The following UBAP2L variants were observed in gnomAD, a reference collection of about 807,000 sequenced individuals.
The protein encoded by UBAP2L is ubiquitin associated protein 2 like.
A neutral mutation model predicts 130.6 loss-of-function variants in UBAP2L; 12 were observed. That is an observed-to-expected ratio of 0.09 (90% CI 0.06 to 0.15). The LOEUF is 0.15. Among genes scored for constraint, UBAP2L ranks in the 10% least tolerant of loss-of-function variants. The pLI, the probability that UBAP2L is intolerant of heterozygous loss-of-function variation, is 1.00. For missense variants in UBAP2L, 965 were observed against 1,332.5 expected (o/e 0.72, Z 4.29); for synonymous variants, 503 against 524.7 (o/e 0.96, Z 0.57).
intron 2 of UBAP2L, 94 bp from the exon 3 acceptor site, chr1:154,227,188 G>A: frequency 9.5e-7 from 1 of 1,055,910 alleles, no homozygotes. Context: ...ACAAGGAAAA[G>A]AAAATTGGGG....
At position 154,246,315 on chromosome 1, in the gene UBAP2L, T is replaced by A; in HGVS notation, c.954T>A (p.Asn318Lys). The stretch of plus-strand genomic sequence containing the variant: ...TGGCCCAGCCTCTGGTGTTCAGTAA[T>A]TCGAAGCAGACTGCCATATCACAGC... ...PSLAQPLVFS[N>K]SKQTAISQPA... is the part of the protein sequence containing the mutation. The change falls in exon 11 of 27, where the codon AAT becomes AAA. Residue 318 changes from asparagine (N) to lysine (K), a missense_variant. This residue lies in a region of UBAP2L where 99 missense variants were observed against 106.4 expected (regional missense o/e 0.93). Transcript: ENST00000428931. 1 of 1,613,764 alleles carries A rather than the reference T, an allele frequency of 6.2e-7. No individual in the cohort carries two copies. The highest frequency in any genetic ancestry group is 8.5e-7 in the Non-Finnish European group (1 of 1,179,894).
chr1:154,260,969 C>G lies in UBAP2L; in HGVS notation c.2656C>G (p.Gln886Glu). The change falls in exon 23 of 27, where the codon CAG (glutamine) becomes GAG (glutamate). Residue 886 changes from glutamine (Q) to glutamate (E), a missense_variant. Coordinates refer to ENST00000428931, the MANE Select transcript of UBAP2L (RefSeq NM_014847.4). ...AACCTTGGCCCAACCCCAACAGAACCAGACGCAGACTCACCATACCACGCA... is the reference window on the plus strand; with the variant it reads ...AACCTTGGCCCAACCCCAACAGAACGAGACGCAGACTCACCATACCACGCA... The part of the protein sequence containing the change: ...ATTLAQPQQN[Q>E]TQTHHTTQQT... The G allele has an allele frequency of 6.2e-7, 1 of 1,614,218 alleles. No homozygotes were observed. Among genetic ancestry groups the G allele is most frequent in the Non-Finnish European group, 8.5e-7 (1 of 1,180,054 alleles).
chr1:154,259,775 G>C, intron 21 of UBAP2L, 173 bp from the exon 22 acceptor site: 1 of 783,418 alleles, frequency 1.3e-6, no homozygotes, highest in Non-Finnish European at 2.3e-6. Flanking sequence ...CAGGCAGGGG[G>C]GACAGTGTAT....
chr1:154,230,064 G>A (rs1332821722), intron 4 of UBAP2L, among the ~76,000 whole-genome samples: 1 of 151,732 alleles, frequency 6.6e-6, no homozygotes, highest in East Asian at 1.9e-4. Context: ...CTCCCAGGCC[G>A]GAGTACATCT....
At chr1:154,222,207 G>T (rs1416521871) in intron 1 of UBAP2L, among the ~76,000 whole-genome samples, 5 of 152,040 alleles carry the variant, frequency 3.3e-5, no homozygotes, top group Admixed American at 3.3e-4. Context: ...CCTGTTTTGG[G>T]GATACCTGAT....
intron 17 of UBAP2L, 95 bp from the exon 18 acceptor site, chr1:154,255,588 T>G: frequency 7.1e-7 from 1 of 1,400,838 alleles, no homozygotes; most frequent in Non-Finnish European, 1.0e-6. Flanking sequence ...TGGTGTCCCA[T>G]ATTATGTCTT....
rs759119651 is a variant in UBAP2L at position 154,234,719 on chromosome 1, G to A, written c.408G>A (p.Gly136=). ...RDRDYSRRRG[G]PPRRGRGASR... ...GAGACTATAGTCGGCGACGTGGTGG[G>A]CCACCAAGACGGGGGAGAGGTGCCA... Residue 136 remains glycine (G), a synonymous_variant, in exon 5 of 27, where the codon GGG becomes GGA. Transcript: ENST00000428931. 2.8e-5 allele frequency: 45 copies of A among 1,610,534 alleles called. No homozygotes were observed. Among genetic ancestry groups the A allele is most frequent in the Non-Finnish European group, 3.8e-5 (45 of 1,178,426 alleles).
In UBAP2L at chr1:154,254,788, C is replaced by T. The variant is rs533839792; in HGVS notation, c.1855-48C>T. 3.8e-6 allele frequency: 6 copies of T among 1,576,870 alleles called. No individual in the cohort carries two copies. The African/African-American group carries it at 6.9e-5, about 18-fold the overall frequency. On this transcript the variant is annotated intron_variant, in intron 15 of 26. Coordinates refer to ENST00000428931, the MANE Select transcript of UBAP2L (RefSeq NM_014847.4). The stretch of plus-strand genomic sequence containing the variant: ...CATCAGTGCTAACTTTCCTCATTCA[C>T]ATGAGTTTGTCTGTTTCTTGCTCTT...
intron 11 of UBAP2L, among the ~76,000 whole-genome samples, chr1:154,248,672 C>T (rs144074981): frequency 0.013 from 1,999 of 152,014 alleles, 40 homozygotes; most frequent in African/African-American, 0.045. Context: ...AAAAATTAGC[C>T]GGGTGTGGTG....
chr1:154,266,530 G>A lies in UBAP2L; in HGVS notation c.2932G>A (p.Val978Met). Residue 978 changes from valine (V) to methionine (M), a missense_variant, in exon 25 of 27, where the codon GTG (valine) becomes ATG (methionine). Val to Met is a conservative substitution (Grantham distance 21). Coordinates refer to ENST00000428931, the MANE Select transcript of UBAP2L (RefSeq NM_014847.4). ...TTCAGTCACCTCCAGTAACACGGGC[G>A]TGCCAGATATCTCGGGTTCTGTGTA... is the stretch of plus-strand genomic sequence containing the variant. Reference protein sequence around the residue: ...GVSVTSSNTGVPDISGSVYSK... With the variant: ...GVSVTSSNTGMPDISGSVYSK... The A allele has an allele frequency of 1.2e-6, 2 of 1,614,142 alleles. No homozygotes were observed. Among genetic ancestry groups the A allele is most frequent in the Non-Finnish European group, 1.7e-6 (2 of 1,180,032 alleles).
At chr1:154,255,403 A>C in intron 17 of UBAP2L, 77 bp downstream of exon 17, 1 of 1,551,388 alleles carries the variant, frequency 6.4e-7, no homozygotes, top group Middle Eastern at 1.8e-4. Context: ...TACTCCCTTG[A>C]CCTGGCAGAG....
At chr1:154,222,195 A>G (rs1360036787) in intron 1 of UBAP2L, among the ~76,000 whole-genome samples, 6 of 152,130 alleles carry the variant, frequency 3.9e-5, no homozygotes, top group Admixed American at 3.9e-4. Flanking sequence ...TCCGCCGCAT[A>G]TCCTGTTTTG....
At chr1:154,248,168 T>C (rs1357054651) in intron 11 of UBAP2L, among the ~76,000 whole-genome samples, 4 of 152,110 alleles carry the variant, frequency 2.6e-5, no homozygotes, top group Admixed American at 2.6e-4. Flanking sequence ...GGTTTCACCA[T>C]GTTGGTCAGG....
intron 22 of UBAP2L, among the ~76,000 whole-genome samples, 168 bp from the exon 23 acceptor site, chr1:154,260,724 G>A (rs540509066): frequency 6.6e-6 from 1 of 152,388 alleles, no homozygotes; most frequent in East Asian, 1.9e-4. Flanking sequence ...ACTGTGCTAA[G>A]TGTATGCTGA....
Position 154,238,632 on chromosome 1 carries a change from G to A in UBAP2L, c.703+1496G>A, listed in dbSNP as rs114166921. 6.9e-3 allele frequency among the ~76,000 whole-genome samples: 1,048 copies of A among 152,316 alleles called. 3 individuals carry two copies. Among genetic ancestry groups the A allele is most frequent in the Non-Finnish European group, 0.011 (750 of 68,012 alleles). ...AAAAGGGAGCAGATGTGCAAGGCTG[G>A]AATTGGAAATCTGATTTGTAGCTGA... On this transcript the variant is annotated intron_variant, in intron 8 of 26. Coordinates refer to ENST00000428931, the MANE Select transcript of UBAP2L (RefSeq NM_014847.4).
In UBAP2L at chr1:154,228,695, C is replaced by T; in HGVS notation, c.249C>T (p.Ile83=). 6.2e-7 allele frequency: 1 copy of T among 1,612,920 alleles called. No individual in the cohort carries two copies. Among genetic ancestry groups the T allele is most frequent in the Non-Finnish European group, 8.5e-7 (1 of 1,179,684 alleles). The part of the protein sequence containing the change: ...HDCNGDVNRA[I]NVLLEGNPDT... ...GCAATGGAGATGTCAACAGAGCTAT[C>T]AATGTTCTTCTGGAAGGAAACCCAG... Residue 83 remains isoleucine (I), a synonymous_variant, in exon 4 of 27, where the codon ATC becomes ATT. Coordinates refer to ENST00000428931, the MANE Select transcript of UBAP2L (RefSeq NM_014847.4).
chr1:154,255,358 G>C (rs1352741341), intron 17 of UBAP2L, 32 bp downstream of exon 17: 35 of 1,608,944 alleles, frequency 2.2e-5, no homozygotes, highest in Non-Finnish European at 2.7e-5. Flanking sequence ...GGTTGGGGTT[G>C]GTGAATAGCA....
intron 8 of UBAP2L, among the ~76,000 whole-genome samples, chr1:154,239,973 A>G (rs1672967068): frequency 6.6e-6 from 1 of 152,230 alleles, no homozygotes; most frequent in African/African-American, 2.4e-5. Flanking sequence ...TTTACAATGA[A>G]TATATTTTCC....
At position 154,249,148 on chromosome 1, in the gene UBAP2L, A is replaced by G. The variant is rs1041786026; in HGVS notation, c.1015-91A>G. On this transcript the variant is annotated intron_variant, in intron 11 of 26. Transcript: ENST00000428931. ...ACAGTATTCTTTACTTGCCTGATCT[A>G]TACTGGCTCTCGGTCTGGATAAGTG... The G allele has an allele frequency of 2.9e-5, 37 of 1,261,076 alleles. No homozygotes were observed. The South Asian group carries it at 3.0e-4, about 10-fold the overall frequency. The allele number at this position is 1,261,076 out of a possible 1,614,324, so 78.1% of individuals were successfully genotyped here.
Sources: gnomAD v4.1 joint callset for allele counts (sites outside exome capture counted in the v4.1 genomes callset) on GRCh38, gnomAD v4.1.1 for gene constraint, gnomAD v4.1.1 regional missense constraint, MANE v1.5 for transcripts, NCBI Gene and HGNC (gene_info 2026-07-23, HGNC 2026-07-21) for gene names.